The following DAAM1 variants were observed in gnomAD, a reference collection of about 807,000 sequenced individuals.
The protein encoded by DAAM1 is dishevelled associated activator of morphogenesis 1.
A neutral mutation model predicts 130.0 loss-of-function variants in DAAM1; 52 were observed. The observed-to-expected ratio is 0.40, with a 90% CI of 0.32 to 0.50. DAAM1 has a LOEUF of 0.50. Among genes scored for constraint, DAAM1 ranks in the 20% least tolerant of loss-of-function variants. The pLI is 0.61. For synonymous variants in DAAM1, 452 were observed against 444.5 expected, an observed-to-expected ratio of 1.02 and a Z score of -0.21; for missense variants, 1,134 against 1,303.8, an observed-to-expected ratio of 0.87 and a Z score of 2.01.
At chr14:59,195,316 T>C (rs1396339673) in intron 1 of DAAM1, among the ~76,000 whole-genome samples, 1 of 152,068 alleles carries the variant, frequency 6.6e-6, no homozygotes, top group Non-Finnish European at 1.5e-5. Context: ...GCTAATTTTT[T>C]GTATTTTTAG....
Position 59,368,812 on chromosome 14 carries a change from A to ATGAC in DAAM1, c.3165_3168dup (p.Ser1057Ter). On this transcript the variant is annotated frameshift_variant, in exon 25 of 25. Coordinates refer to ENST00000360909, the MANE Select transcript of DAAM1 (RefSeq NM_001270520.2). LOFTEE classifies it high-confidence loss of function. ...GAATCGCAAACGTATTACCAACCAG[A>ATGAC]TGACTGACAGCAGCAGAGAGAGACC... The ATGAC allele has an allele frequency of 6.2e-7, 1 of 1,613,974 alleles. No homozygotes were observed. The highest frequency in any genetic ancestry group is 1.3e-5 in the African/African-American group (1 of 75,020).
At chr14:59,330,393 A>G in intron 12 of DAAM1, 108 bp from the exon 13 acceptor site, 1 of 1,011,490 alleles carries the variant, frequency 9.9e-7, no homozygotes, top group South Asian at 1.9e-5. Flanking sequence ...TTTACCTAAT[A>G]AAGATCCTCA....
chr14:59,312,195 G>T (rs1884626352), intron 3 of DAAM1, among the ~76,000 whole-genome samples: 1 of 152,140 alleles, frequency 6.6e-6, no homozygotes, highest in African/African-American at 2.4e-5. Flanking sequence ...TTCCAAACTG[G>T]TTGCTGTAAT....
chr14:59,191,269 G>T (rs1887722670), intron 1 of DAAM1, among the ~76,000 whole-genome samples: 1 of 152,010 alleles, frequency 6.6e-6, no homozygotes, highest in African/African-American at 2.4e-5. Context: ...AGGATCAGAA[G>T]TTGTCACTTT....
At chr14:59,291,435 C>A in intron 3 of DAAM1, 129 bp downstream of exon 3, 2 of 728,930 alleles carry the variant, frequency 2.7e-6, no homozygotes, top group Non-Finnish European at 4.3e-6. Context: ...TATGTTGTGG[C>A]TGTGGTGCTA....
At chr14:59,333,633 C>T (rs1885524552) in intron 15 of DAAM1, among the ~76,000 whole-genome samples, 1 of 152,204 alleles carries the variant, frequency 6.6e-6, no homozygotes, top group Admixed American at 6.5e-5. Flanking sequence ...GTTTTGATCG[C>T]TGATACTGTT....
intron 1 of DAAM1, among the ~76,000 whole-genome samples, chr14:59,212,010 G>T (rs1162353339): frequency 6.6e-6 from 1 of 152,020 alleles, no homozygotes; most frequent in Non-Finnish European, 1.5e-5. Context: ...CTTATTTTAA[G>T]TGAAATATGT....
chr14:59,206,526 C>T lies in DAAM1; in HGVS notation c.-38+17758C>T, dbSNP rs184712507. Among the ~76,000 whole-genome samples, 11 of 152,118 alleles carry T rather than the reference C, an allele frequency of 7.2e-5. No homozygotes were observed. In the East Asian group the frequency reaches 1.2e-3, roughly 16 times the overall value. Reference sequence around the variant, plus strand: ...TCCTAACCTCGTAATCTGCCTGCTGCGGCCTCCCAAAGTGCTGGGATTACT... The same window carrying T: ...TCCTAACCTCGTAATCTGCCTGCTGTGGCCTCCCAAAGTGCTGGGATTACT... On this transcript the variant is annotated intron_variant, in intron 1 of 24. Transcript: ENST00000360909.
At chr14:59,206,462 A>G (rs1438222316) in intron 1 of DAAM1, among the ~76,000 whole-genome samples, 3 of 152,034 alleles carry the variant, frequency 2.0e-5, no homozygotes, top group Non-Finnish European at 4.4e-5. Flanking sequence ...TTTTTAATAG[A>G]GACAGGGTTT....
At chr14:59,254,998 G>T (rs2139488454) in intron 1 of DAAM1, among the ~76,000 whole-genome samples, 1 of 152,328 alleles carries the variant, frequency 6.6e-6, no homozygotes, top group South Asian at 2.1e-4. Flanking sequence ...AAAGTGGGCA[G>T]TTCTGGCTTC....
intron 1 of DAAM1, among the ~76,000 whole-genome samples, chr14:59,208,481 C>T (rs575586465): frequency 6.6e-6 from 1 of 152,326 alleles, no homozygotes; most frequent in Admixed American, 6.5e-5. Context: ...TGGCAGCTCA[C>T]CAGTTTCACA....
At chr14:59,262,024 T>C (rs1427787663) in intron 1 of DAAM1, among the ~76,000 whole-genome samples, 1 of 152,012 alleles carries the variant, frequency 6.6e-6, no homozygotes, top group East Asian at 1.9e-4. Context: ...TGCCCTTCCA[T>C]CTCTTGAAGG....
intron 1 of DAAM1, among the ~76,000 whole-genome samples, chr14:59,206,058 T>C (rs1888246517): frequency 6.6e-6 from 1 of 152,080 alleles, no homozygotes; most frequent in Non-Finnish European, 1.5e-5. Context: ...CTCACTATGT[T>C]GCCCAGGCTG....
chr14:59,287,654 T>G (rs891188296), intron 2 of DAAM1, among the ~76,000 whole-genome samples: 1 of 152,050 alleles, frequency 6.6e-6, no homozygotes, highest in Non-Finnish European at 1.5e-5. Flanking sequence ...CAGACCTACA[T>G]AAAGAACAAA....
intron 1 of DAAM1, among the ~76,000 whole-genome samples, chr14:59,202,369 T>A (rs1252990): frequency 0.18 from 27,950 of 152,094 alleles, 3,039 homozygotes; most frequent in African/African-American, 0.29. Flanking sequence ...AAAAAACATT[T>A]AGACAGAATT....
chr14:59,340,105 G>C lies in DAAM1; in HGVS notation c.2000G>C (p.Ser667Thr), dbSNP rs1231186197. 2 of 1,613,646 alleles carry C rather than the reference G, an allele frequency of 1.2e-6. No individual in the cohort carries two copies. The highest frequency in any genetic ancestry group is 3.3e-5 in the Admixed American group (2 of 60,002). Residue 667 changes from serine to threonine, a missense_variant, in exon 16 of 25, where the codon AGT becomes ACT. Physicochemically the swap from Ser to Thr is moderately conservative, Grantham distance 58. This residue lies in a region of DAAM1 where 644 missense variants were observed against 695.9 expected (regional missense o/e 0.93). Transcript: ENST00000360909. ...KEADAIDDTL[S>T]SKLKVKELSV... is the part of the protein sequence containing the mutation. ...GCAGATGCCATTGATGACACTCTGA[G>C]TTCCAAACTTAAAGTTAAAGAGCTT...
chr14:59,340,092 G>T lies in DAAM1; in HGVS notation c.1987G>T (p.Asp663Tyr). The T allele has an allele frequency of 6.2e-7, 1 of 1,613,584 alleles. No individual in the cohort carries two copies. The change falls in exon 16 of 25, where the codon GAT becomes TAT. Residue 663 changes from aspartate to tyrosine, a missense_variant. Physicochemically the swap from Asp to Tyr is radical, Grantham distance 160. Transcript: ENST00000360909. ...TTTACAGAAAGAAGCAGATGCCATT[G>T]ATGACACTCTGAGTTCCAAACTTAA... Reference protein sequence around the residue: ...QRQQKEADAIDDTLSSKLKVK... With the variant: ...QRQQKEADAIYDTLSSKLKVK...
intron 1 of DAAM1, among the ~76,000 whole-genome samples, chr14:59,216,483 G>A (rs1357673852): frequency 6.6e-6 from 1 of 152,212 alleles, no homozygotes. Flanking sequence ...CACTTTGGGA[G>A]GCCGAGGCAG....
chr14:59,194,388 C>G (rs1004084335), intron 1 of DAAM1, among the ~76,000 whole-genome samples: 1 of 152,180 alleles, frequency 6.6e-6, no homozygotes, highest in African/African-American at 2.4e-5. Context: ...CTCTCCTTTG[C>G]TGTATGAACG....
Sources: gnomAD v4.1 joint callset for allele counts (sites outside exome capture counted in the v4.1 genomes callset) on GRCh38, gnomAD v4.1.1 for gene constraint, gnomAD v4.1.1 regional missense constraint, MANE v1.5 for transcripts, NCBI Gene and HGNC (gene_info 2026-07-23, HGNC 2026-07-21) for gene names.